SPECC1: variants seen among roughly 807,000 people sequenced by gnomAD.
SPECC1 encodes sperm antigen with calponin homology and coiled-coil domains 1.
A neutral mutation model predicts 104.1 loss-of-function variants in SPECC1; 62 were observed. The observed-to-expected ratio is 0.60, with a 90% CI of 0.49 to 0.74. The LOEUF (loss-of-function observed/expected upper bound fraction) is 0.74, where lower values mean the gene tolerates loss of function less well. SPECC1 is among the 30% of genes least tolerant of loss of function. The pLI, the probability that SPECC1 is intolerant of heterozygous loss-of-function variation, is 0.00. For synonymous variants in SPECC1, 513 were observed against 501.6 expected (o/e 1.02, Z -0.30); for missense variants, 1,306 against 1,310.5 (o/e 1.00, Z 0.05).
intron 3 of SPECC1, among the ~76,000 whole-genome samples, chr17:20,127,005 T>G (rs961134487): frequency 6.6e-6 from 1 of 152,262 alleles, no homozygotes; most frequent in Admixed American, 6.5e-5. Flanking sequence ...GTCACATATG[T>G]TATCTCTGAT....
At chr17:20,192,726 A>G (rs1335357598) in intron 3 of SPECC1, among the ~76,000 whole-genome samples, 1 of 152,176 alleles carries the variant, frequency 6.6e-6, no homozygotes, top group Admixed American at 6.5e-5. Flanking sequence ...GTTCTAGAAA[A>G]TAGTCTTGCA....
At chr17:20,157,523 C>T (rs893534319) in intron 3 of SPECC1, among the ~76,000 whole-genome samples, 1 of 152,046 alleles carries the variant, frequency 6.6e-6, no homozygotes, top group Non-Finnish European at 1.5e-5. Context: ...AGGATTGGTT[C>T]GGTAAAGGAT....
chr17:20,104,572 G>A (rs547271221), intron 2 of SPECC1, among the ~76,000 whole-genome samples: 8 of 151,576 alleles, frequency 5.3e-5, no homozygotes, highest in East Asian at 1.9e-4. Flanking sequence ...GTGAAATCCC[G>A]TCTCTACTAA....
intron 3 of SPECC1, among the ~76,000 whole-genome samples, chr17:20,122,532 G>A (rs180727585): frequency 6.6e-6 from 1 of 152,300 alleles, no homozygotes; most frequent in Non-Finnish European, 1.5e-5. Flanking sequence ...CAGTTCAGCG[G>A]CATTAAGTTC....
At chr17:20,189,456 C>G (rs2035507411) in intron 3 of SPECC1, among the ~76,000 whole-genome samples, 1 of 152,164 alleles carries the variant, frequency 6.6e-6, no homozygotes, top group Non-Finnish European at 1.5e-5. Flanking sequence ...AGGAGTTGCC[C>G]TCCCAGAGCT....
chr17:20,301,767 AC>A (rs1032042638), intron 13 of SPECC1, among the ~76,000 whole-genome samples: 17 of 152,036 alleles, frequency 1.1e-4, no homozygotes, highest in African/African-American at 4.1e-4. Context: ...GCGCAGTGGT[AC>A]CATCTCAGCT....
At chr17:20,228,908 T>C (rs2038399399) in intron 5 of SPECC1, among the ~76,000 whole-genome samples, 1 of 152,236 alleles carries the variant, frequency 6.6e-6, no homozygotes, top group African/African-American at 2.4e-5. Flanking sequence ...TTACTAAGAA[T>C]AGCTTGGTCA....
At chr17:20,191,528 G>A (rs1172773883) in intron 3 of SPECC1, among the ~76,000 whole-genome samples, 2 of 145,980 alleles carry the variant, frequency 1.4e-5, no homozygotes, top group African/African-American at 5.1e-5. Context: ...AAGTTCTGGG[G>A]TACATGTGCA....
intron 13 of SPECC1, among the ~76,000 whole-genome samples, chr17:20,302,878 T>TAAAAAA (rs35060925): frequency 4.8e-5 from 3 of 61,858 alleles, no homozygotes; most frequent in Non-Finnish European, 5.9e-5. Context: ...TGAGCCCATC[T>TAAAAAA]AAAAAAAAAA....
chr17:20,058,201 T>C (rs142272834), intron 1 of SPECC1, among the ~76,000 whole-genome samples: 173 of 152,342 alleles, frequency 1.1e-3, no homozygotes, highest in African/African-American at 4.0e-3. Context: ...TTAAATATTC[T>C]TCATTTTAAA....
chr17:20,085,558 C>T (rs564751370), intron 1 of SPECC1, among the ~76,000 whole-genome samples: 2 of 152,276 alleles, frequency 1.3e-5, no homozygotes, highest in South Asian at 2.1e-4. Flanking sequence ...ATGCTAGAAG[C>T]GATTGATGCT....
At chr17:20,313,919 G>A in intron 14 of SPECC1, 57 bp from the exon 15 acceptor site, 2 of 1,532,902 alleles carry the variant, frequency 1.3e-6, no homozygotes, top group Admixed American at 3.5e-5. Flanking sequence ...GTCCTTGAGG[G>A]GAAGGGGTCT....
intron 3 of SPECC1, among the ~76,000 whole-genome samples, chr17:20,181,626 T>G (rs1202831546): frequency 2.0e-5 from 3 of 152,128 alleles, no homozygotes; most frequent in Non-Finnish European, 4.4e-5. Flanking sequence ...CATTTTTTGT[T>G]TTAAATACTG....
intron 7 of SPECC1, among the ~76,000 whole-genome samples, chr17:20,240,919 C>T (rs2039173792): frequency 6.6e-6 from 1 of 152,184 alleles, no homozygotes; most frequent in Non-Finnish European, 1.5e-5. Context: ...GCAGTTTCCC[C>T]TTCACTTTGT....
intron 1 of SPECC1, among the ~76,000 whole-genome samples, chr17:20,063,183 T>G: frequency 6.6e-6 from 1 of 152,234 alleles, no homozygotes; most frequent in East Asian, 1.9e-4. Context: ...CTTTAGCTCA[T>G]ATTGGTTGCT....
intron 12 of SPECC1, among the ~76,000 whole-genome samples, chr17:20,261,146 G>GT (rs1238486948): frequency 2.0e-5 from 3 of 152,140 alleles, no homozygotes; most frequent in African/African-American, 7.2e-5. Flanking sequence ...TTTGTGATCA[G>GT]TGGGAATGCA....
chr17:20,270,433 CAAAAAAAAAAAAAAAAAA>C (rs71157863), intron 12 of SPECC1, among the ~76,000 whole-genome samples: 59 of 43,576 alleles, frequency 1.4e-3, no homozygotes, highest in East Asian at 6.1e-3. Context: ...CTGTCTTTAC[CAAAAAAAAAAAAAAAAAA>C]AAAAAAAAAA....
chr17:20,041,345 C>T (rs968933048), intron 1 of SPECC1, among the ~76,000 whole-genome samples: 4 of 151,984 alleles, frequency 2.6e-5, no homozygotes, highest in South Asian at 2.1e-4. Context: ...TGAGTTCAAG[C>T]GATTCTCCTG....
In SPECC1 at chr17:20,257,626, TAAG is replaced by T; in HGVS notation, c.2837+22_2837+24del. 6.2e-7 allele frequency: 1 copy of T among 1,609,032 alleles called. No homozygotes were observed. Among genetic ancestry groups the T allele is most frequent in the Middle Eastern group, 1.7e-4 (1 of 6,042 alleles). On this transcript the variant is annotated intron_variant, in intron 11 of 14. Transcript: ENST00000395527. ...AACTCAGGTATCGTGTTTCAAACAA[TAAG>T]AAATCAGAAAAACATCGGGCTAATC... is the stretch of plus-strand genomic sequence containing the variant.
Sources: allele counts gnomAD v4.1 joint callset (sites outside exome capture counted in the v4.1 genomes callset), GRCh38; gene constraint gnomAD v4.1.1; transcripts MANE v1.5; gene names NCBI Gene and HGNC (gene_info 2026-07-23, HGNC 2026-07-21).